The following SLC4A7 variants were observed in gnomAD, a reference collection of about 807,000 sequenced individuals.
SLC4A7 encodes the protein solute carrier family 4 member 7, also known as sodium bicarbonate cotransporter 3.
Under a neutral mutation model 137.6 loss-of-function variants are expected in SLC4A7, and 51 were observed. The observed-to-expected ratio is 0.37, with a 90% CI of 0.30 to 0.47. The LOEUF is 0.47. SLC4A7 is among the 20% of genes least tolerant of loss of function. The pLI is 1.00. For synonymous variants in SLC4A7, 542 were observed against 518.6 expected (o/e 1.05, Z -0.61); for missense variants, 1,247 against 1,525.4 (o/e 0.82, Z 3.04).
At chr3:27,387,402 T>C (rs1465944944) in intron 22 of SLC4A7, among the ~76,000 whole-genome samples, 1 of 152,186 alleles carries the variant, frequency 6.6e-6, no homozygotes, top group Admixed American at 6.5e-5. Context: ...CTACCATCCA[T>C]GTTTTTGAGT....
chr3:27,397,869 T>A (rs1246767816), intron 17 of SLC4A7, 72 bp from the exon 18 acceptor site: 3 of 889,960 alleles, frequency 3.4e-6, no homozygotes, highest in Non-Finnish European at 3.4e-6. Context: ...TCACATCTTT[T>A]ATTGATAAAA....
At chr3:27,454,596 T>G (rs1023939111) in intron 1 of SLC4A7, among the ~76,000 whole-genome samples, 2 of 152,190 alleles carry the variant, frequency 1.3e-5, no homozygotes, top group Admixed American at 6.5e-5. Context: ...AGTGCAAGAA[T>G]GAATAATAAT....
chr3:27,415,167 G>C (rs538677887), intron 11 of SLC4A7, among the ~76,000 whole-genome samples: 1 of 152,136 alleles, frequency 6.6e-6, no homozygotes, highest in South Asian at 2.1e-4. Context: ...AGACCACTTC[G>C]ACACCTTTGG....
Position 27,431,681 on chromosome 3 carries a change from C to T in SLC4A7, c.779-12G>A, listed in dbSNP as rs1333538414. On this transcript the variant is annotated splice_polypyrimidine_tract_variant and intron_variant, in intron 6 of 25. Transcript: ENST00000454389. ...TGAAAGGCCTTCCCCTGAGATAAAA[C>T]AAATAAATGAAAAATGATGAAGTCC... is the stretch of plus-strand genomic sequence containing the variant. 2.7e-6 allele frequency: 4 copies of T among 1,506,354 alleles called. No individual in the cohort carries two copies. Among genetic ancestry groups the T allele is most frequent in the South Asian group, 1.4e-5 (1 of 73,410 alleles). 93.3% of individuals were successfully genotyped at this position (1,506,354 alleles called of 1,614,324 possible).
At chr3:27,389,743 T>C (rs2051338481) in intron 22 of SLC4A7, among the ~76,000 whole-genome samples, 188 bp downstream of exon 22, 1 of 152,136 alleles carries the variant, frequency 6.6e-6, no homozygotes, top group African/African-American at 2.4e-5. Flanking sequence ...AACAAAAATT[T>C]ACAAAGTAAT....
At chr3:27,449,752 T>C (rs2057936479) in intron 2 of SLC4A7, among the ~76,000 whole-genome samples, 3 of 152,230 alleles carry the variant, frequency 2.0e-5, no homozygotes, top group Admixed American at 2.0e-4. Context: ...TGAAGAGGGA[T>C]GTGAAGTACA....
intron 7 of SLC4A7, among the ~76,000 whole-genome samples, chr3:27,426,186 G>C (rs746352270): frequency 2.6e-5 from 4 of 152,204 alleles, no homozygotes; most frequent in Admixed American, 6.5e-5. Flanking sequence ...ATGTTGATGT[G>C]ACGAAAAATC....
Position 27,379,284 on chromosome 3 carries a change from A to G in SLC4A7, c.3663T>C (p.Asn1221=), listed in dbSNP as rs2050187959. The part of the protein sequence containing the change: ...KTAQWKALSM[N]TENAKVTRSN... ...ATCTGGTTACTTTGGCATTCTCAGT[A>G]TTCATGGAAAGTGCCTTCCACTGTG... is the stretch of plus-strand genomic sequence containing the variant. Residue 1221 remains asparagine (N), a synonymous_variant, in exon 25 of 26, where the codon AAT becomes AAC. Coordinates refer to ENST00000454389, the MANE Select transcript of SLC4A7 (RefSeq NM_001321103.2). 1 of 1,535,342 alleles carries G rather than the reference A, an allele frequency of 6.5e-7. No homozygotes were observed. Among genetic ancestry groups the G allele is most frequent in the African/African-American group, 1.4e-5 (1 of 73,152 alleles).
chr3:27,409,170 T>C (rs2053671002), intron 13 of SLC4A7, among the ~76,000 whole-genome samples, 186 bp downstream of exon 13: 1 of 152,162 alleles, frequency 6.6e-6, no homozygotes. Flanking sequence ...CAACTGTGCA[T>C]CTTCTGTTCA....
chr3:27,398,078 C>G, intron 17 of SLC4A7, 114 bp downstream of exon 17: 1 of 718,132 alleles, frequency 1.4e-6, no homozygotes, highest in Non-Finnish European at 2.3e-6. Context: ...CTTTATTAAC[C>G]AGTTGGCATG....
Position 27,375,197 on chromosome 3 carries a change from T to G in SLC4A7, c.*1567A>C, listed in dbSNP as rs896623836. 1 of 152,054 alleles carries G rather than the reference T, an allele frequency of 6.6e-6. No homozygotes were observed. The highest frequency in any genetic ancestry group is 6.6e-5 in the Admixed American group (1 of 15,264). 9.4% of individuals were successfully genotyped at this position (152,054 alleles called of 1,614,324 possible). A position where few individuals can be genotyped will look rare whatever the true frequency, so the allele number is the denominator to read the frequency against. ...TTTCAGCTTTTGGCATTCCTCATGA[T>G]CCTTTATTAGATTAATTATGTATAC... On this transcript the variant is annotated 3_prime_UTR_variant, in exon 26 of 26. Transcript: ENST00000454389.
intron 2 of SLC4A7, 24 bp downstream of exon 2, chr3:27,452,393 G>T: frequency 2.1e-6 from 3 of 1,463,192 alleles, no homozygotes; most frequent in Non-Finnish European, 2.8e-6. Context: ...ACTAAGCGAA[G>T]TAAGTTATTT....
intron 13 of SLC4A7, among the ~76,000 whole-genome samples, chr3:27,408,808 C>T (rs1180852228): frequency 2.0e-5 from 3 of 152,042 alleles, no homozygotes; most frequent in Non-Finnish European, 4.4e-5. Flanking sequence ...TTATATTTTC[C>T]AAATAAAAGT....
chr3:27,403,494 G>A lies in SLC4A7; in HGVS notation c.2076-110C>T. On this transcript the variant is annotated intron_variant, in intron 14 of 25. Transcript: ENST00000454389. ...CAGCAAGAAAACACGATTCCTAAAA[G>A]AGAATGAATTACAGAATGACAAAAT... 6.2e-6 allele frequency: 4 copies of A among 645,988 alleles called. 1 individual carries two copies. The highest frequency in any genetic ancestry group is 5.3e-5 in the East Asian group (2 of 37,414). 40.0% of individuals were successfully genotyped at this position (645,988 alleles called of 1,614,324 possible). A position where few individuals can be genotyped will look rare whatever the true frequency, so the allele number is the denominator to read the frequency against.
At chr3:27,463,346 C>T (rs940318253) in intron 1 of SLC4A7, among the ~76,000 whole-genome samples, 3 of 152,262 alleles carry the variant, frequency 2.0e-5, no homozygotes, top group Non-Finnish European at 1.5e-5. Context: ...AAGAGAATAG[C>T]GTGGACCCGG....
chr3:27,437,301 A>T, intron 4 of SLC4A7, 87 bp downstream of exon 4: 1 of 781,380 alleles, frequency 1.3e-6, no homozygotes, highest in Admixed American at 3.2e-5. Context: ...CAGTGAGCCC[A>T]GATCGCACCA....
chr3:27,409,036 C>T (rs1477892819), intron 13 of SLC4A7, among the ~76,000 whole-genome samples: 2 of 152,184 alleles, frequency 1.3e-5, no homozygotes, highest in East Asian at 3.8e-4. Flanking sequence ...CACCCAGAAT[C>T]AGTTCAACTG....
intron 1 of SLC4A7, among the ~76,000 whole-genome samples, chr3:27,457,965 C>T (rs1225634014): frequency 6.6e-6 from 1 of 152,048 alleles, no homozygotes; most frequent in Non-Finnish European, 1.5e-5. Flanking sequence ...CTGTCAAATG[C>T]CCAAGTATGA....
chr3:27,456,514 T>C (rs2058419177), intron 1 of SLC4A7: 1 of 652,410 alleles, frequency 1.5e-6, no homozygotes, highest in Non-Finnish European at 2.7e-6. Context: ...AACAGATGAC[T>C]TCCACAGCCA....
Sources: allele counts gnomAD v4.1 joint callset (sites outside exome capture counted in the v4.1 genomes callset), GRCh38; gene constraint gnomAD v4.1.1; transcripts MANE v1.5; gene names NCBI Gene and HGNC (gene_info 2026-07-23, HGNC 2026-07-21).